The following DRD2 variants were observed in gnomAD, a reference collection of about 807,000 sequenced individuals.
DRD2 encodes the protein dopamine receptor D2.
A neutral mutation model predicts 38.0 loss-of-function variants in DRD2; 8 were observed. The ratio of observed to expected loss-of-function variants is 0.21; its 90% CI spans 0.12 to 0.38. The LOEUF is 0.38. Among genes scored for constraint, DRD2 ranks in the 10% least tolerant of loss-of-function variants. The pLI is 1.00. For missense variants in DRD2, 403 were observed against 607.7 expected (o/e 0.66, Z 3.54); for synonymous variants, 230 against 238.6 (o/e 0.96, Z 0.33).
chr11:113,410,475 T>C lies in DRD2; in HGVS notation c.*252A>G. On this transcript the variant is annotated 3_prime_UTR_variant, in exon 8 of 8. Coordinates refer to ENST00000362072, the MANE Select transcript of DRD2 (RefSeq NM_000795.4). ...GGGGACTGGAGGTGGGAGGGGGGAC[T>C]CTATGAGCTGCCCCTGAGCTGGGGG... The C allele has an allele frequency of 1.7e-6, 1 of 579,490 alleles. No homozygotes were observed. The highest frequency in any genetic ancestry group is 2.0e-5 in the South Asian group (1 of 50,600). 35.9% of individuals were successfully genotyped at this position (579,490 alleles called of 1,614,324 possible).
chr11:113,468,273 A>T (rs1565681110), intron 1 of DRD2, among the ~76,000 whole-genome samples: 2 of 152,226 alleles, frequency 1.3e-5, no homozygotes, highest in Non-Finnish European at 2.9e-5. Flanking sequence ...GTCTAATTCC[A>T]GAGCCCACAG....
chr11:113,411,267 G>C (rs1950767022), intron 7 of DRD2, among the ~76,000 whole-genome samples: 1 of 152,178 alleles, frequency 6.6e-6, no homozygotes, highest in African/African-American at 2.4e-5. Context: ...GAGGGCTATA[G>C]ACCCATGCCA....
intron 1 of DRD2, among the ~76,000 whole-genome samples, chr11:113,451,808 G>A (rs1951212607): frequency 6.6e-6 from 1 of 152,180 alleles, no homozygotes; most frequent in African/African-American, 2.4e-5. Context: ...CATTCTGCTA[G>A]TTGTCTCATT....
intron 1 of DRD2, among the ~76,000 whole-genome samples, chr11:113,469,851 TAATAAATA>T (rs573674954): frequency 2.6e-5 from 4 of 151,658 alleles, no homozygotes; most frequent in Admixed American, 2.0e-4. Context: ...AAAATGAAAA[TAATAAATA>T]AATAAATAAA....
intron 1 of DRD2, among the ~76,000 whole-genome samples, chr11:113,425,778 G>A (rs1002578531): frequency 3.3e-5 from 5 of 151,916 alleles, no homozygotes; most frequent in Admixed American, 2.6e-4. Flanking sequence ...GTAGAAGGAG[G>A]ACTTAGCCTG....
At chr11:113,429,022 G>A (rs374350314) in intron 1 of DRD2, among the ~76,000 whole-genome samples, 16 of 152,280 alleles carry the variant, frequency 1.1e-4, no homozygotes, top group South Asian at 8.3e-4. Flanking sequence ...CTTCTGCAGG[G>A]TAAGGGAGAG....
At chr11:113,468,147 A>G (rs1215558180) in intron 1 of DRD2, among the ~76,000 whole-genome samples, 1 of 152,182 alleles carries the variant, frequency 6.6e-6, no homozygotes, top group East Asian at 1.9e-4. Flanking sequence ...CTGTGACCCA[A>G]TTATGTTGGT....
At chr11:113,440,331 A>T (rs1189649379) in intron 1 of DRD2, among the ~76,000 whole-genome samples, 1 of 152,182 alleles carries the variant, frequency 6.6e-6, no homozygotes, top group Non-Finnish European at 1.5e-5. Context: ...TGTCCTCTGG[A>T]TATTGATAAA....
intron 1 of DRD2, among the ~76,000 whole-genome samples, chr11:113,467,517 G>A (rs904281321): frequency 6.6e-6 from 1 of 152,214 alleles, no homozygotes; most frequent in Non-Finnish European, 1.5e-5. Flanking sequence ...TTGGGGGTCT[G>A]CTCATGTGAA....
At chr11:113,448,359 T>G (rs1245927142) in intron 1 of DRD2, among the ~76,000 whole-genome samples, 1 of 152,140 alleles carries the variant, frequency 6.6e-6, no homozygotes, top group African/African-American at 2.4e-5. Flanking sequence ...CCAGCCCAGA[T>G]GCACGGTGGC....
intron 3 of DRD2, among the ~76,000 whole-genome samples, chr11:113,417,255 C>A (rs1199243667): frequency 6.6e-6 from 1 of 152,206 alleles, no homozygotes; most frequent in Non-Finnish European, 1.5e-5. Flanking sequence ...TCTAACCGGC[C>A]CCACCTGGAT....
intron 1 of DRD2, among the ~76,000 whole-genome samples, chr11:113,445,057 C>G (rs1451970442): frequency 6.6e-6 from 1 of 152,178 alleles, no homozygotes; most frequent in Non-Finnish European, 1.5e-5. Context: ...CAGTGCTGCA[C>G]ACTCCATCAC....
chr11:113,422,363 A>G (rs768239515), intron 2 of DRD2, among the ~76,000 whole-genome samples: 6 of 152,170 alleles, frequency 3.9e-5, no homozygotes, highest in Non-Finnish European at 7.4e-5. Flanking sequence ...ATCCTCAACA[A>G]TGCTATGATG....
intron 1 of DRD2, among the ~76,000 whole-genome samples, chr11:113,433,673 T>A (rs1951010074): frequency 6.6e-6 from 1 of 152,212 alleles, no homozygotes; most frequent in African/African-American, 2.4e-5. Flanking sequence ...TTAGAAGGCG[T>A]GGAACAGCCT....
intron 1 of DRD2, among the ~76,000 whole-genome samples, chr11:113,470,760 T>G (rs1039354734): frequency 3.3e-5 from 5 of 152,190 alleles, no homozygotes; most frequent in Non-Finnish European, 5.9e-5. Flanking sequence ...CTCTCCCAAA[T>G]GCCCCTAGGA....
intron 1 of DRD2, among the ~76,000 whole-genome samples, chr11:113,428,230 T>A (rs940767721): frequency 6.6e-6 from 1 of 152,036 alleles, no homozygotes; most frequent in African/African-American, 2.4e-5. Context: ...GCTCTCAGGA[T>A]CAAGATGTGC....
chr11:113,418,196 T>C, intron 2 of DRD2, 60 bp from the exon 3 acceptor site: 1 of 1,413,154 alleles, frequency 7.1e-7, no homozygotes, highest in Non-Finnish European at 1.0e-6. Context: ...TTAGGTCCTG[T>C]AGCCTGGTAC....
chr11:113,424,097 G>T (rs747580236), intron 2 of DRD2, among the ~76,000 whole-genome samples: 1 of 152,196 alleles, frequency 6.6e-6, no homozygotes, highest in African/African-American at 2.4e-5. Flanking sequence ...CCTCTAAGCT[G>T]CTGTGAGGGT....
Position 113,424,648 on chromosome 11 carries a change from C to G in DRD2, c.4G>C (p.Asp2His), listed in dbSNP as rs1194567680. 6.2e-7 allele frequency: 1 copy of G among 1,614,084 alleles called. No individual in the cohort carries two copies. The highest frequency in any genetic ancestry group is 1.7e-5 in the Admixed American group (1 of 60,030). The change falls in exon 2 of 8, where the codon GAT (aspartate) becomes CAT (histidine). Residue 2 changes from aspartate to histidine, a missense_variant. This residue lies in a region of DRD2 where 162 missense variants were observed against 254.5 expected (regional missense o/e 0.64). Transcript: ENST00000362072. ...TCATACCAGGACAGATTCAGTGGAT[C>G]CATCAGGGCGGTGGAGCCACTGGGT... is the stretch of plus-strand genomic sequence containing the variant. M[D>H]PLNLSWYDDD...
Sources: allele counts gnomAD v4.1 joint callset (sites outside exome capture counted in the v4.1 genomes callset), GRCh38; gene constraint gnomAD v4.1.1; regional missense constraint gnomAD v4.1.1; transcripts MANE v1.5; gene names NCBI Gene and HGNC (gene_info 2026-07-23, HGNC 2026-07-21).